The following COLGALT2 variants were observed in gnomAD, a reference collection of about 807,000 sequenced individuals.
The protein encoded by COLGALT2 is procollagen galactosyltransferase 2.
A neutral mutation model predicts 73.4 loss-of-function variants in COLGALT2; 49 were observed. The ratio of observed to expected loss-of-function variants is 0.67; its 90% CI spans 0.53 to 0.85. The LOEUF (loss-of-function observed/expected upper bound fraction) is 0.85, where lower values mean the gene tolerates loss of function less well. COLGALT2 is among the 40% of genes least tolerant of loss of function. The pLI, the probability that COLGALT2 is intolerant of heterozygous loss-of-function variation, is 0.00. For synonymous variants in COLGALT2, 295 were observed against 307.6 expected (o/e 0.96, Z 0.43); for missense variants, 722 against 790.2 (o/e 0.91, Z 1.03).
At chr1:183,979,849 C>T (rs968844366) in intron 1 of COLGALT2, among the ~76,000 whole-genome samples, 6 of 152,066 alleles carry the variant, frequency 3.9e-5, no homozygotes, top group African/African-American at 1.2e-4. Context: ...GCACATGGAA[C>T]ATCTGCTAGC....
chr1:183,995,771 GTCTT>G (rs1184389986), intron 1 of COLGALT2, among the ~76,000 whole-genome samples: 4 of 150,770 alleles, frequency 2.7e-5, no homozygotes, highest in Non-Finnish European at 5.9e-5. Flanking sequence ...TAAGTTTATT[GTCTT>G]TCTTTATCCC....
Position 184,003,384 on chromosome 1 carries a change from T to C in COLGALT2, c.264-24864A>G, listed in dbSNP as rs911018973. On this transcript the variant is annotated intron_variant, in intron 1 of 11. Coordinates refer to ENST00000361927, the MANE Select transcript of COLGALT2 (RefSeq NM_015101.4). ...CCATGCTGTGAGGAAGCCAAACACA[T>C]GGAGAGACCATGTGCTCTACTACCG... is the stretch of plus-strand genomic sequence containing the variant. Among the ~76,000 whole-genome samples, 112 of 151,878 alleles carry C rather than the reference T, an allele frequency of 7.4e-4. 1 individual carries two copies. The highest frequency in any genetic ancestry group is 2.5e-3 in the African/African-American group (104 of 41,222).
In COLGALT2 at chr1:183,987,317, T is replaced by A. The variant is rs142058420; in HGVS notation, c.264-8797A>T. Among the ~76,000 whole-genome samples the A allele has an allele frequency of 3.3e-3, 506 of 152,328 alleles. 9 individuals are homozygous for A. The South Asian group carries it at 0.039, about 12-fold the overall frequency. On this transcript the variant is annotated intron_variant, in intron 1 of 11. Transcript: ENST00000361927. ...TTCTTGTCCTTATTGGATTTTCCAATTCTGTTAAGTTCTTTATTTTGTGGA... is the reference window on the plus strand; with the variant it reads ...TTCTTGTCCTTATTGGATTTTCCAAATCTGTTAAGTTCTTTATTTTGTGGA...
intron 1 of COLGALT2, among the ~76,000 whole-genome samples, chr1:184,030,081 A>G (rs1192212321): frequency 6.6e-6 from 1 of 152,248 alleles, no homozygotes; most frequent in Admixed American, 6.5e-5. Flanking sequence ...ATTCCCAATC[A>G]TACTTTTTTT....
chr1:184,012,058 A>C (rs1174960378), intron 1 of COLGALT2, among the ~76,000 whole-genome samples: 1 of 152,182 alleles, frequency 6.6e-6, no homozygotes, highest in Non-Finnish European at 1.5e-5. Flanking sequence ...CCTTTTCCCC[A>C]AAAAAGAATA....
intron 10 of COLGALT2, among the ~76,000 whole-genome samples, chr1:183,942,611 G>C (rs1670146465): frequency 6.6e-6 from 1 of 152,092 alleles, no homozygotes; most frequent in East Asian, 1.9e-4. Flanking sequence ...GATGTAATGT[G>C]GCAATCATGA....
At chr1:184,017,953 T>G (rs1259241907) in intron 1 of COLGALT2, among the ~76,000 whole-genome samples, 1 of 152,210 alleles carries the variant, frequency 6.6e-6, no homozygotes, top group African/African-American at 2.4e-5. Context: ...ATCATAATGC[T>G]TGGTAAACAG....
chr1:183,969,935 C>T (rs978977540), intron 4 of COLGALT2, among the ~76,000 whole-genome samples: 1 of 152,210 alleles, frequency 6.6e-6, no homozygotes, highest in Non-Finnish European at 1.5e-5. Context: ...GATGACGGCA[C>T]TATCTACTCC....
intron 1 of COLGALT2, among the ~76,000 whole-genome samples, chr1:184,028,088 C>G (rs1418994419): frequency 6.6e-6 from 1 of 152,154 alleles, no homozygotes. Context: ...AAACCATAAT[C>G]ATTGTGGTGT....
At chr1:183,943,597 T>G (rs935088496) in intron 10 of COLGALT2, among the ~76,000 whole-genome samples, 2 of 152,084 alleles carry the variant, frequency 1.3e-5, no homozygotes, top group Non-Finnish European at 2.9e-5. Flanking sequence ...GAACATTAAC[T>G]AAATGTCAGC....
intron 3 of COLGALT2, among the ~76,000 whole-genome samples, 195 bp from the exon 4 acceptor site, chr1:183,973,945 A>G (rs575024099): frequency 6.6e-6 from 1 of 152,306 alleles, no homozygotes; most frequent in Non-Finnish European, 1.5e-5. Flanking sequence ...TAACTTTCGT[A>G]TGTTGGGCTC....
intron 8 of COLGALT2, among the ~76,000 whole-genome samples, chr1:183,947,617 T>C (rs1452536261): frequency 6.6e-6 from 1 of 152,124 alleles, no homozygotes; most frequent in African/African-American, 2.4e-5. Context: ...GGAGATATAG[T>C]TACAGCTGCA....
intron 1 of COLGALT2, among the ~76,000 whole-genome samples, chr1:184,003,008 G>C (rs968758443): frequency 2.0e-5 from 3 of 151,936 alleles, no homozygotes; most frequent in African/African-American, 7.3e-5. Flanking sequence ...CAAAAGAATG[G>C]AAACAAACTA....
chr1:184,037,082 C>A lies in COLGALT2; in HGVS notation c.263+13G>T, dbSNP rs576352668. 208 of 1,548,476 alleles carry A rather than the reference C, an allele frequency of 1.3e-4. 3 individuals are homozygous for A. The South Asian group carries it at 2.2e-3, about 17-fold the overall frequency. On this transcript the variant is annotated intron_variant, in intron 1 of 11. Transcript: ENST00000361927. ...CGTCCCGCCGCGGCGGCCCGGGGCC[C>A]GTGCGCGCTCACCAGATGGCCATCC...
chr1:183,998,557 C>T (rs548613966), intron 1 of COLGALT2, among the ~76,000 whole-genome samples: 1 of 152,198 alleles, frequency 6.6e-6, no homozygotes, highest in Admixed American at 6.5e-5. Context: ...CTTGAGTATT[C>T]TTGGTCCTTT....
chr1:183,966,959 C>T (rs994063381), intron 5 of COLGALT2, among the ~76,000 whole-genome samples: 1 of 152,138 alleles, frequency 6.6e-6, no homozygotes, highest in African/African-American at 2.4e-5. Flanking sequence ...CTGCCTGGGA[C>T]ATAGATGATA....
At chr1:183,953,137 A>G (rs1670445353) in intron 7 of COLGALT2, among the ~76,000 whole-genome samples, 1 of 152,224 alleles carries the variant, frequency 6.6e-6, no homozygotes. Context: ...GTAGCCACGA[A>G]GTAAAAACAC....
chr1:183,949,928 T>C (rs1670351683), intron 8 of COLGALT2, among the ~76,000 whole-genome samples: 2 of 152,238 alleles, frequency 1.3e-5, no homozygotes, highest in African/African-American at 4.8e-5. Flanking sequence ...CTGGTGTTCT[T>C]GGAGGTATTT....
intron 10 of COLGALT2, among the ~76,000 whole-genome samples, chr1:183,942,008 G>C (rs1239035582): frequency 6.6e-6 from 1 of 151,172 alleles, no homozygotes; most frequent in African/African-American, 2.4e-5. Context: ...GAGTGCAGTG[G>C]TGCAATCTGA....
Sources: allele counts gnomAD v4.1 joint callset (sites outside exome capture counted in the v4.1 genomes callset), GRCh38; gene constraint gnomAD v4.1.1; transcripts MANE v1.5; gene names NCBI Gene and HGNC (gene_info 2026-07-23, HGNC 2026-07-21).